SNAP25: variants seen among roughly 807,000 people sequenced by gnomAD.
The protein encoded by SNAP25 is synaptosome associated protein 25.
A neutral mutation model predicts 28.7 loss-of-function variants in SNAP25; 3 were observed. The observed-to-expected ratio is 0.10, with a 90% CI of 0.05 to 0.27. SNAP25 has a LOEUF of 0.27. SNAP25 is among the 10% of genes least tolerant of loss of function. SNAP25 has a pLI of 1.00. For missense variants in SNAP25, 117 were observed against 278.7 expected, an observed-to-expected ratio of 0.42 and a Z score of 4.13; for synonymous variants, 61 against 88.1, an observed-to-expected ratio of 0.69 and a Z score of 1.72.
At chr20:10,287,675 C>G (rs2063910100) in intron 4 of SNAP25, among the ~76,000 whole-genome samples, 1 of 149,390 alleles carries the variant, frequency 6.7e-6, no homozygotes, top group African/African-American at 2.5e-5. Context: ...ACCCAAAGGA[C>G]TATAAATCAT....
chr20:10,238,922 A>G (rs1952909440), intron 1 of SNAP25, among the ~76,000 whole-genome samples: 2 of 151,838 alleles, frequency 1.3e-5, no homozygotes, highest in South Asian at 4.1e-4. Flanking sequence ...AATAATAATA[A>G]TAATAATATC....
intron 1 of SNAP25, among the ~76,000 whole-genome samples, chr20:10,253,419 A>G (rs1354994084): frequency 1.3e-5 from 2 of 152,168 alleles, no homozygotes; most frequent in African/African-American, 4.8e-5. Flanking sequence ...ATGTGACTCT[A>G]GGCTACTTAC....
intron 1 of SNAP25, among the ~76,000 whole-genome samples, chr20:10,233,944 A>T (rs2062871941): frequency 6.6e-6 from 1 of 152,088 alleles, no homozygotes; most frequent in African/African-American, 2.4e-5. Context: ...TCCCAACTCT[A>T]TTAACAATTT....
chr20:10,272,708 C>T (rs2063617478), intron 1 of SNAP25, among the ~76,000 whole-genome samples: 1 of 152,196 alleles, frequency 6.6e-6, no homozygotes, highest in Admixed American at 6.5e-5. Flanking sequence ...TTAGCAGGCT[C>T]ATCGTAAGAT....
intron 1 of SNAP25, among the ~76,000 whole-genome samples, chr20:10,224,292 T>TTTTTG (rs2062694674): frequency 7.6e-6 from 1 of 131,686 alleles, no homozygotes; most frequent in African/African-American, 2.9e-5. Flanking sequence ...TTTTTTTTTT[T>TTTTTG]GCAGTCTTTT....
chr20:10,291,824 AG>A (rs1489837874), intron 4 of SNAP25, among the ~76,000 whole-genome samples: 3 of 152,250 alleles, frequency 2.0e-5, no homozygotes, highest in Admixed American at 2.0e-4. Flanking sequence ...AAATGTAATT[AG>A]GTTTTGTAAT....
chr20:10,252,556 G>T (rs2063249519), intron 1 of SNAP25, among the ~76,000 whole-genome samples: 1 of 152,080 alleles, frequency 6.6e-6, no homozygotes, highest in South Asian at 2.1e-4. Context: ...TTGTAGTGAT[G>T]GTTTCATGGC....
At chr20:10,247,825 A>G (rs1252288007) in intron 1 of SNAP25, among the ~76,000 whole-genome samples, 2 of 152,226 alleles carry the variant, frequency 1.3e-5, no homozygotes, top group Non-Finnish European at 2.9e-5. Context: ...TTTGTAACAA[A>G]TGACCCTCAA....
chr20:10,236,514 C>G (rs554351918), intron 1 of SNAP25, among the ~76,000 whole-genome samples: 2 of 152,192 alleles, frequency 1.3e-5, no homozygotes, highest in Middle Eastern at 6.8e-3. Flanking sequence ...CCCTGTCTCT[C>G]CAGAAGTGCC....
intron 1 of SNAP25, among the ~76,000 whole-genome samples, chr20:10,223,038 C>T (rs1271493945): frequency 6.6e-6 from 1 of 152,068 alleles, no homozygotes; most frequent in African/African-American, 2.4e-5. Context: ...TTGTCAAGTG[C>T]ACTGACGGGA....
At chr20:10,264,226 G>C (rs937627935) in intron 1 of SNAP25, among the ~76,000 whole-genome samples, 7 of 152,032 alleles carry the variant, frequency 4.6e-5, no homozygotes, top group Admixed American at 1.3e-4. Context: ...CACTAATCCT[G>C]GACTAGCCCA....
chr20:10,230,722 T>C (rs1397908503), intron 1 of SNAP25, among the ~76,000 whole-genome samples: 1 of 152,158 alleles, frequency 6.6e-6, no homozygotes, highest in Non-Finnish European at 1.5e-5. Flanking sequence ...GGATGAGGTG[T>C]TTTCACTGTT....
intron 1 of SNAP25, among the ~76,000 whole-genome samples, chr20:10,220,962 G>C (rs2062621838): frequency 6.6e-6 from 1 of 152,054 alleles, no homozygotes; most frequent in Non-Finnish European, 1.5e-5. Context: ...ATGTTGATCT[G>C]TTATTTTGCA....
chr20:10,270,051 C>T (rs555327960), intron 1 of SNAP25, among the ~76,000 whole-genome samples: 71 of 152,034 alleles, frequency 4.7e-4, no homozygotes, highest in African/African-American at 1.5e-3. Context: ...GTCAGGAGTT[C>T]GAAACCAGCC....
At chr20:10,249,153 A>G (rs1260082596) in intron 1 of SNAP25, among the ~76,000 whole-genome samples, 2 of 152,202 alleles carry the variant, frequency 1.3e-5, no homozygotes, top group African/African-American at 4.8e-5. Flanking sequence ...CTATAGTGCT[A>G]AGGAGATAGT....
At chr20:10,245,300 G>C (rs2063106937) in intron 1 of SNAP25, among the ~76,000 whole-genome samples, 1 of 152,108 alleles carries the variant, frequency 6.6e-6, no homozygotes. Flanking sequence ...GACGGTCTTT[G>C]GTTTTAGGGA....
intron 1 of SNAP25, among the ~76,000 whole-genome samples, chr20:10,253,886 G>T (rs1051719851): frequency 6.6e-6 from 1 of 152,206 alleles, no homozygotes; most frequent in Non-Finnish European, 1.5e-5. Flanking sequence ...TGACCAGGCA[G>T]TTCTCAGGGT....
intron 1 of SNAP25, among the ~76,000 whole-genome samples, chr20:10,229,135 G>A (rs887612707): frequency 6.6e-6 from 1 of 152,078 alleles, no homozygotes; most frequent in South Asian, 2.1e-4. Flanking sequence ...TAAAAGAGAT[G>A]ATATGCAATA....
chr20:10,239,993 GT>G (rs1182574350), intron 1 of SNAP25, among the ~76,000 whole-genome samples: 7 of 152,214 alleles, frequency 4.6e-5, no homozygotes, highest in African/African-American at 1.7e-4. Context: ...TTATCTCGCA[GT>G]TTTTGGGAAT....
Sources: allele counts gnomAD v4.1 joint callset (sites outside exome capture counted in the v4.1 genomes callset), GRCh38; gene constraint gnomAD v4.1.1; transcripts MANE v1.5; gene names NCBI Gene and HGNC (gene_info 2026-07-23, HGNC 2026-07-21).